The following WRN variants were observed in gnomAD, a reference collection of about 807,000 sequenced individuals.
The protein encoded by WRN is WRN RecQ like helicase, also known as bifunctional 3'-5' exonuclease/ATP-dependent helicase WRN.
A neutral mutation model predicts 180.7 loss-of-function variants in WRN; 149 were observed. That is an observed-to-expected ratio of 0.82 (90% CI 0.72 to 0.94). The LOEUF (loss-of-function observed/expected upper bound fraction) is 0.94, where lower values mean the gene tolerates loss of function less well. Among genes scored for constraint, WRN ranks in the 40% least tolerant of loss-of-function variants. The pLI, the probability that WRN is intolerant of heterozygous loss-of-function variation, is 0.00. For synonymous variants in WRN, 548 were observed against 568.9 expected, an observed-to-expected ratio of 0.96 and a Z score of 0.52; for missense variants, 1,661 against 1,700.1, an observed-to-expected ratio of 0.98 and a Z score of 0.40.
intron 23 of WRN, among the ~76,000 whole-genome samples, chr8:31,128,771 A>G (rs1170743007): frequency 6.6e-6 from 1 of 152,168 alleles, no homozygotes; most frequent in Non-Finnish European, 1.5e-5. Flanking sequence ...AGGCAGGAGA[A>G]TGGTGTGAAC....
intron 19 of WRN, among the ~76,000 whole-genome samples, chr8:31,115,120 T>G (rs894330827): frequency 2.0e-5 from 3 of 152,162 alleles, no homozygotes; most frequent in Non-Finnish European, 4.4e-5. Flanking sequence ...GGTCTCGAAC[T>G]TCTGAGCTCA....
chr8:31,087,623 C>A, intron 11 of WRN, 153 bp from the exon 12 acceptor site: 1 of 695,702 alleles, frequency 1.4e-6, no homozygotes, highest in South Asian at 1.7e-5. Flanking sequence ...CATATTTAAA[C>A]CGGAGCACAC....
At chr8:31,134,163 A>G (rs1217631338) in intron 24 of WRN, among the ~76,000 whole-genome samples, 1 of 152,168 alleles carries the variant, frequency 6.6e-6, no homozygotes, top group Non-Finnish European at 1.5e-5. Flanking sequence ...TCCCCATTTC[A>G]GTGATCTTGG....
At chr8:31,034,197 C>T (rs948548304) in intron 1 of WRN, among the ~76,000 whole-genome samples, 4 of 152,246 alleles carry the variant, frequency 2.6e-5, no homozygotes, top group Admixed American at 2.0e-4. Flanking sequence ...TTTCCCCGCC[C>T]CTGACGGCCC....
chr8:31,156,141 G>T (rs893183223), intron 32 of WRN, among the ~76,000 whole-genome samples: 7 of 152,162 alleles, frequency 4.6e-5, no homozygotes, highest in African/African-American at 1.7e-4. Context: ...GACCATGTAT[G>T]TATAGTAGAA....
Position 31,081,582 on chromosome 8 carries a change from T to C in WRN, c.1269+286T>C, listed in dbSNP as rs79600996. The stretch of plus-strand genomic sequence containing the variant: ...TAGTATGATATGCAGCATTGTGTAG[T>C]GGAAAGATTTTATAGTATCAACAGA... On this transcript the variant is annotated intron_variant, in intron 9 of 34. Transcript: ENST00000298139. Among the ~76,000 whole-genome samples the C allele has an allele frequency of 7.9e-4, 120 of 152,336 alleles. 1 individual carries two copies. In the East Asian group the frequency reaches 0.022, roughly 28 times the overall value.
intron 3 of WRN, among the ~76,000 whole-genome samples, chr8:31,063,754 T>G (rs1812585084): frequency 6.6e-6 from 1 of 152,176 alleles, no homozygotes; most frequent in Non-Finnish European, 1.5e-5. Context: ...GACAGGGTCT[T>G]GAACTTTTAC....
In WRN at chr8:31,100,805, T is replaced by C. The variant is rs775993696; in HGVS notation, c.1982-44T>C. On this transcript the variant is annotated intron_variant, in intron 17 of 34. Coordinates refer to ENST00000298139, the MANE Select transcript of WRN (RefSeq NM_000553.6). The stretch of plus-strand genomic sequence containing the variant: ...GATGTAGATGAGTTTATTTTTTCCT[T>C]TCGAGCTTTATCTTTTCCTTTATGT... 12 of 1,540,518 alleles carry C rather than the reference T, an allele frequency of 7.8e-6. No homozygotes were observed. The South Asian group carries it at 1.4e-4, about 18-fold the overall frequency.
chr8:31,109,949 A>G (rs1801241310), intron 18 of WRN, among the ~76,000 whole-genome samples: 2 of 152,190 alleles, frequency 1.3e-5, no homozygotes, highest in African/African-American at 4.8e-5. Context: ...TCATAAATAT[A>G]TTACCTGCTC....
intron 20 of WRN, 114 bp from the exon 21 acceptor site, chr8:31,120,129 A>G: frequency 7.9e-7 from 1 of 1,259,240 alleles, no homozygotes; most frequent in African/African-American, 1.5e-5. Flanking sequence ...ATTGAATTCC[A>G]CTTTGTGCCA....
chr8:31,173,056 G>C lies in WRN; in HGVS notation c.4253G>C (p.Ser1418Thr). The change falls in exon 35 of 35, where the codon AGC becomes ACC. Residue 1418 changes from serine (S) to threonine (T), a missense_variant. This residue lies in a region of WRN where 1,141 missense variants were observed against 1,149.4 expected (regional missense o/e 0.99). Transcript: ENST00000298139. Reference sequence around the variant, plus strand: ...TGGTTTGCCAAAGGAAGTGATACCAGCAAGAAATTAATGGACAAAACGAAA... The same window carrying C: ...TGGTTTGCCAAAGGAAGTGATACCACCAAGAAATTAATGGACAAAACGAAA... The part of the protein sequence containing the change: ...PVWFAKGSDT[S>T]KKLMDKTKRG... 6.2e-7 allele frequency: 1 copy of C among 1,613,994 alleles called. No homozygotes were observed. The highest frequency in any genetic ancestry group is 8.5e-7 in the Non-Finnish European group (1 of 1,179,962).
intron 34 of WRN, among the ~76,000 whole-genome samples, chr8:31,172,050 T>A (rs1426305001): frequency 6.6e-6 from 1 of 152,210 alleles, no homozygotes. Flanking sequence ...AACATAAGTG[T>A]ATGACACTTT....
At chr8:31,087,259 A>C (rs1382252211) in intron 11 of WRN, among the ~76,000 whole-genome samples, 3 of 152,176 alleles carry the variant, frequency 2.0e-5, no homozygotes, top group African/African-American at 7.2e-5. Context: ...AAAAACAAAT[A>C]ACTTTATTTC....
intron 24 of WRN, among the ~76,000 whole-genome samples, chr8:31,140,876 C>T (rs1802595091): frequency 6.6e-6 from 1 of 152,098 alleles, no homozygotes; most frequent in South Asian, 2.1e-4. Flanking sequence ...CTGCCTCAGC[C>T]TCCCGAGCAG....
At chr8:31,101,262 A>G (rs1814217639) in intron 18 of WRN, among the ~76,000 whole-genome samples, 1 of 152,116 alleles carries the variant, frequency 6.6e-6, no homozygotes, top group Non-Finnish European at 1.5e-5. Context: ...TTAAAAATAT[A>G]AAGAGTTACA....
chr8:31,157,587 T>A lies in WRN; in HGVS notation c.3982+57T>A, dbSNP rs962592739. Reference sequence around the variant, plus strand: ...ATGACTTGATGAAGTAAACAAGCAATCCACTATATTTTTCACTGTTAACAG... The same window carrying A: ...ATGACTTGATGAAGTAAACAAGCAAACCACTATATTTTTCACTGTTAACAG... On this transcript the variant is annotated intron_variant, in intron 33 of 34. Coordinates refer to ENST00000298139, the MANE Select transcript of WRN (RefSeq NM_000553.6). The A allele has an allele frequency of 8.1e-6, 13 of 1,601,886 alleles. No individual in the cohort carries two copies. The Admixed American group carries it at 1.4e-4, about 17-fold the overall frequency.
intron 23 of WRN, among the ~76,000 whole-genome samples, chr8:31,129,919 C>T (rs759972470): frequency 5.3e-5 from 8 of 149,918 alleles, no homozygotes; most frequent in Non-Finnish European, 8.9e-5. Flanking sequence ...GCAGGAGAAT[C>T]GCTTGAACCT....
Position 31,116,557 on chromosome 8 carries a change from G to A in WRN, c.2448+29G>A, listed in dbSNP as rs3087435. The A allele has an allele frequency of 9.6e-5, 154 of 1,611,928 alleles. No homozygotes were observed. In the East Asian group the frequency reaches 1.5e-3, roughly 16 times the overall value. ...TGAGGATCAATCATCATTGCTCTCC[G>A]TTGCTCATAGTGGAAGTGGATATTT... is the stretch of plus-strand genomic sequence containing the variant. On this transcript the variant is annotated intron_variant, in intron 20 of 34. Transcript: ENST00000298139.
intron 3 of WRN, among the ~76,000 whole-genome samples, chr8:31,062,356 A>G (rs1458547827): frequency 6.6e-6 from 1 of 151,916 alleles, no homozygotes; most frequent in Admixed American, 6.6e-5. Flanking sequence ...AATAGATAAC[A>G]ATATAATAGA....
Sources: allele counts gnomAD v4.1 joint callset (sites outside exome capture counted in the v4.1 genomes callset), GRCh38; gene constraint gnomAD v4.1.1; regional missense constraint gnomAD v4.1.1; transcripts MANE v1.5; gene names NCBI Gene and HGNC (gene_info 2026-07-23, HGNC 2026-07-21).